The following SETBP1 variants were observed in gnomAD, a reference collection of about 807,000 sequenced individuals.
SETBP1 encodes the protein SET binding protein 1.
A neutral mutation model predicts 101.0 loss-of-function variants in SETBP1; 9 were observed. That is an observed-to-expected ratio of 0.09 (90% CI 0.05 to 0.16). The LOEUF (loss-of-function observed/expected upper bound fraction) is 0.16. Ranked by LOEUF, SETBP1 falls within the 10% of genes least tolerant of loss-of-function variation. SETBP1 has a pLI of 1.00. For missense variants in SETBP1, 1,858 were observed against 2,033.8 expected (o/e 0.91, Z 1.66); for synonymous variants, 818 against 788.5 (o/e 1.04, Z -0.63).
chr18:44,879,557 C>A (rs1054632956), intron 3 of SETBP1, among the ~76,000 whole-genome samples: 1 of 152,078 alleles, frequency 6.6e-6, no homozygotes, highest in African/African-American at 2.4e-5. Context: ...TTCAGCTTCC[C>A]AAGACCATAT....
rs145666613 is a variant in SETBP1 at position 44,869,693 on chromosome 18, G to A, written c.540+410G>A. 326 of 303,418 alleles carry A rather than the reference G, an allele frequency of 1.1e-3. 6 individuals carry two copies. In the Admixed American group the frequency reaches 0.012, roughly 11 times the overall value. The allele number at this position is 303,418 out of a possible 1,614,324, so 18.8% of individuals were successfully genotyped here. A position where few individuals can be genotyped will look rare whatever the true frequency, so the allele number is the denominator to read the frequency against. ...TTTGCGGCAAATGCCTCCTAGTCAA[G>A]GCCTGATAGCCAAGTTAATCTCAGA... On this transcript the variant is annotated intron_variant, in intron 3 of 5. Coordinates refer to ENST00000649279, the MANE Select transcript of SETBP1 (RefSeq NM_015559.3).
chr18:44,941,662 C>T (rs1568228832), intron 3 of SETBP1, among the ~76,000 whole-genome samples: 1 of 151,696 alleles, frequency 6.6e-6, no homozygotes, highest in Non-Finnish European at 1.5e-5. Context: ...TATTATTTTC[C>T]CTTCTGTATT....
intron 1 of SETBP1, among the ~76,000 whole-genome samples, chr18:44,684,290 G>A (rs973572259): frequency 6.6e-6 from 1 of 152,278 alleles, no homozygotes; most frequent in East Asian, 1.9e-4. Context: ...CACATACTTT[G>A]GCCTGCCATA....
intron 2 of SETBP1, among the ~76,000 whole-genome samples, chr18:44,843,844 C>A (rs1330808223): frequency 6.6e-6 from 1 of 152,184 alleles, no homozygotes; most frequent in Non-Finnish European, 1.5e-5. Context: ...TTTCTGTAAA[C>A]CCAGGACCAA....
chr18:44,862,630 A>C (rs917647681), intron 2 of SETBP1, among the ~76,000 whole-genome samples: 5 of 152,346 alleles, frequency 3.3e-5, no homozygotes, highest in African/African-American at 1.2e-4. Context: ...TGGGGAACTC[A>C]TGTAGCAGTC....
At chr18:44,978,948 A>G (rs1031089861) in intron 4 of SETBP1, among the ~76,000 whole-genome samples, 23 of 152,242 alleles carry the variant, frequency 1.5e-4, no homozygotes, top group African/African-American at 5.5e-4. Context: ...CAAGAATTGA[A>G]TAAATTGTCT....
intron 2 of SETBP1, among the ~76,000 whole-genome samples, chr18:44,866,856 C>T (rs568117573): frequency 5.3e-5 from 8 of 152,228 alleles, no homozygotes; most frequent in East Asian, 3.9e-4. Context: ...AGCATTTCTG[C>T]AAGGAAGAGT....
intron 4 of SETBP1, among the ~76,000 whole-genome samples, chr18:45,030,731 TAG>T (rs1289969099): frequency 6.7e-6 from 1 of 148,678 alleles, no homozygotes; most frequent in East Asian, 1.9e-4. Flanking sequence ...CCTCCTGGTT[TAG>T]TCTTGGGAGG....
intron 3 of SETBP1, among the ~76,000 whole-genome samples, chr18:44,886,153 A>G (rs2069642949): frequency 6.6e-6 from 1 of 152,142 alleles, no homozygotes; most frequent in Admixed American, 6.6e-5. Context: ...GGGGATCAAG[A>G]AAAGGACTAA....
intron 2 of SETBP1, among the ~76,000 whole-genome samples, chr18:44,852,851 C>T (rs1208198552): frequency 6.6e-6 from 1 of 152,068 alleles, no homozygotes; most frequent in East Asian, 1.9e-4. Flanking sequence ...AATGGTGGCC[C>T]CATGAAAGCA....
At chr18:44,866,763 C>T (rs938816547) in intron 2 of SETBP1, among the ~76,000 whole-genome samples, 9 of 152,156 alleles carry the variant, frequency 5.9e-5, no homozygotes, top group African/African-American at 1.2e-4. Context: ...CAGCTCCATA[C>T]GAATCTTATG....
intron 2 of SETBP1, among the ~76,000 whole-genome samples, chr18:44,836,828 C>T (rs1157035663): frequency 4.6e-5 from 7 of 152,206 alleles, no homozygotes; most frequent in Admixed American, 4.6e-4. Flanking sequence ...TTAGCAGCTT[C>T]TCTGCTCATG....
Position 44,950,765 on chromosome 18 carries a change from C to A in SETBP1, c.1425C>A (p.Ser475=), listed in dbSNP as rs1205457931. The A allele has an allele frequency of 1.9e-6, 3 of 1,613,920 alleles. No individual in the cohort carries two copies. In the African/African-American group the frequency reaches 4.0e-5, roughly 22 times the overall value. ...PKLSKMIENE[S]PSVGLETGGN... ...TGAGTAAAATGATAGAGAATGAGTC[C>A]CCCTCAGTTGGCCTTGAAACTGGTG... Residue 475 remains serine (S), a synonymous_variant, in exon 4 of 6, where the codon TCC becomes TCA. Transcript: ENST00000649279.
chr18:44,840,585 C>A (rs546067215), intron 2 of SETBP1, among the ~76,000 whole-genome samples: 1 of 152,194 alleles, frequency 6.6e-6, no homozygotes. Context: ...CCAGATTTCA[C>A]CAGCTGGAGT....
intron 2 of SETBP1, among the ~76,000 whole-genome samples, chr18:44,818,463 C>G (rs1285734348): frequency 6.6e-6 from 1 of 152,124 alleles, no homozygotes; most frequent in Non-Finnish European, 1.5e-5. Context: ...ATGGGAACTC[C>G]TTGGGTTTAA....
chr18:44,932,647 C>CT (rs987143616), intron 3 of SETBP1, among the ~76,000 whole-genome samples: 1 of 152,000 alleles, frequency 6.6e-6, no homozygotes. Flanking sequence ...TCTTTTTACT[C>CT]TTTTTTTTCT....
intron 3 of SETBP1, among the ~76,000 whole-genome samples, chr18:44,891,121 T>G (rs138551891): frequency 1.3e-3 from 199 of 152,110 alleles, no homozygotes; most frequent in Non-Finnish European, 1.9e-3. Context: ...TAAAGAGAGA[T>G]AGCTTGTGCA....
chr18:44,961,987 ATAAAAACTTGCACTCT>A (rs1175528816), intron 4 of SETBP1, among the ~76,000 whole-genome samples: 2 of 152,248 alleles, frequency 1.3e-5, no homozygotes, highest in Admixed American at 1.3e-4. Context: ...ATGCTGGTAC[ATAAAAACTTGCACTCT>A]TAAAAATGAT....
chr18:44,832,484 C>T (rs527545828), intron 2 of SETBP1, among the ~76,000 whole-genome samples: 23 of 152,332 alleles, frequency 1.5e-4, no homozygotes, highest in Admixed American at 3.9e-4. Flanking sequence ...AGGGCGAGCC[C>T]CTCTAGCTCT....
Sources: allele counts gnomAD v4.1 joint callset (sites outside exome capture counted in the v4.1 genomes callset), GRCh38; gene constraint gnomAD v4.1.1; transcripts MANE v1.5; gene names NCBI Gene and HGNC (gene_info 2026-07-23, HGNC 2026-07-21).